CCDC178: variants seen among roughly 807,000 people sequenced by gnomAD.
CCDC178 encodes coiled-coil domain containing 178, also known as coiled-coil domain-containing protein 178.
A neutral mutation model predicts 117.4 loss-of-function variants in CCDC178; 126 were observed. The ratio of observed to expected loss-of-function variants is 1.07; its 90% CI spans 0.93 to 1.24. The LOEUF (loss-of-function observed/expected upper bound fraction) is 1.24, where lower values mean the gene tolerates loss of function less well. CCDC178 is among the 50% of genes most tolerant of loss of function. CCDC178 has a pLI of 0.00. For missense variants in CCDC178, 1,030 were observed against 986.9 expected, an observed-to-expected ratio of 1.04 and a Z score of -0.59; for synonymous variants, 283 against 313.4, an observed-to-expected ratio of 0.90 and a Z score of 1.02.
intron 20 of CCDC178, among the ~76,000 whole-genome samples, chr18:33,130,466 C>A (rs2058056751): frequency 6.6e-6 from 1 of 151,962 alleles, no homozygotes; most frequent in Non-Finnish European, 1.5e-5. Flanking sequence ...ATTGTTGTAA[C>A]TATTTTACAC....
At chr18:33,423,782 T>C (rs1270857934) in intron 2 of CCDC178, among the ~76,000 whole-genome samples, 10 of 152,218 alleles carry the variant, frequency 6.6e-5, no homozygotes, top group African/African-American at 2.2e-4. Context: ...GATCATCTAT[T>C]GCTCAAATCC....
chr18:33,207,435 A>C (rs977167155), intron 20 of CCDC178, among the ~76,000 whole-genome samples: 3 of 151,774 alleles, frequency 2.0e-5, no homozygotes, highest in African/African-American at 7.2e-5. Context: ...CAAGAGAAAA[A>C]TCTACATATT....
intron 6 of CCDC178, 80 bp from the exon 7 acceptor site, chr18:33,356,426 A>T: frequency 1.6e-6 from 2 of 1,279,418 alleles, no homozygotes; most frequent in South Asian, 3.0e-5. Flanking sequence ...AAACTTGTCA[A>T]TTCTCTACTT....
intron 5 of CCDC178, among the ~76,000 whole-genome samples, chr18:33,384,091 A>G (rs1220682878): frequency 6.6e-6 from 1 of 152,070 alleles, no homozygotes; most frequent in African/African-American, 2.4e-5. Context: ...AGCTGAATCG[A>G]TCAAGCAGAA....
intron 20 of CCDC178, among the ~76,000 whole-genome samples, chr18:33,139,267 C>T (rs1288865175): frequency 6.6e-6 from 1 of 152,140 alleles, no homozygotes; most frequent in Non-Finnish European, 1.5e-5. Flanking sequence ...AGCATGAAAA[C>T]TAATACAGTA....
intron 9 of CCDC178, among the ~76,000 whole-genome samples, chr18:33,342,751 C>T (rs1174934638): frequency 6.6e-6 from 1 of 152,204 alleles, no homozygotes; most frequent in Non-Finnish European, 1.5e-5. Flanking sequence ...ACAGAGCCAT[C>T]AGCAAATAAG....
chr18:33,215,453 C>A, intron 19 of CCDC178, 97 bp downstream of exon 19: 1 of 752,588 alleles, frequency 1.3e-6, no homozygotes, highest in African/African-American at 1.9e-5. Flanking sequence ...ATTAAAAATA[C>A]GAACCATTTT....
intron 6 of CCDC178, among the ~76,000 whole-genome samples, chr18:33,365,611 A>G (rs1484346190): frequency 6.6e-6 from 1 of 152,112 alleles, no homozygotes; most frequent in Non-Finnish European, 1.5e-5. Context: ...TATTAGCTTT[A>G]TTATCATAGT....
At chr18:33,110,855 T>C (rs995367017) in intron 20 of CCDC178, among the ~76,000 whole-genome samples, 2 of 151,592 alleles carry the variant, frequency 1.3e-5, no homozygotes, top group Admixed American at 6.6e-5. Context: ...TTTCTCAACT[T>C]TGTCCATCTT....
In CCDC178 at chr18:33,179,107, ATAAAC is replaced by A. The variant is rs1364880995; in HGVS notation, c.2238+32784_2238+32788del. The stretch of plus-strand genomic sequence containing the variant: ...TATATATATATATATATATATATAT[ATAAAC>A]TATATATATATATATAAACTATATA... On this transcript the variant is annotated intron_variant, in intron 20 of 22. Coordinates refer to ENST00000383096, the MANE Select transcript of CCDC178 (RefSeq NM_001105528.4). 1.1e-4 allele frequency among the ~76,000 whole-genome samples: 13 copies of A among 113,806 alleles called. 1 individual carries two copies. Among genetic ancestry groups the A allele is most frequent in the African/African-American group, 4.6e-4 (11 of 23,888 alleles). The allele number at this position is 113,806 out of a possible 152,430, so 74.7% of individuals were successfully genotyped here. A position where few individuals can be genotyped will look rare whatever the true frequency, so the allele number is the denominator to read the frequency against.
intron 21 of CCDC178, among the ~76,000 whole-genome samples, chr18:32,998,220 T>C (rs7238077): frequency 0.15 from 22,297 of 152,042 alleles, 2,340 homozygotes; most frequent in African/African-American, 0.3. Context: ...GCTGCCCTAT[T>C]GCAGAGGAAT....
intron 21 of CCDC178, among the ~76,000 whole-genome samples, chr18:33,013,066 C>T (rs971614465): frequency 2.6e-5 from 4 of 152,120 alleles, no homozygotes; most frequent in African/African-American, 9.7e-5. Flanking sequence ...CCATATATTT[C>T]AATAACACAT....
At chr18:33,002,471 A>G (rs1177921320) in intron 21 of CCDC178, among the ~76,000 whole-genome samples, 1 of 152,072 alleles carries the variant, frequency 6.6e-6, no homozygotes, top group East Asian at 1.9e-4. Context: ...GAAAATTTAA[A>G]ATTTTTTTAA....
intron 20 of CCDC178, among the ~76,000 whole-genome samples, chr18:33,191,001 T>C (rs1360586682): frequency 1.3e-5 from 2 of 152,216 alleles, no homozygotes; most frequent in Non-Finnish European, 2.9e-5. Context: ...TAAGGCATGA[T>C]ATTCAACTAT....
intron 4 of CCDC178, among the ~76,000 whole-genome samples, chr18:33,396,855 G>A (rs2063644404): frequency 6.6e-6 from 1 of 152,036 alleles, no homozygotes; most frequent in Non-Finnish European, 1.5e-5. Context: ...AGGTGACACA[G>A]ATGCTTCCTC....
At chr18:33,439,362 G>A (rs2064343464) in intron 2 of CCDC178, among the ~76,000 whole-genome samples, 1 of 152,320 alleles carries the variant, frequency 6.6e-6, no homozygotes, top group Non-Finnish European at 1.5e-5. Context: ...TCTGGGTTGT[G>A]GATAAAAGCT....
At chr18:33,378,027 G>T (rs979388967) in intron 5 of CCDC178, among the ~76,000 whole-genome samples, 2 of 152,156 alleles carry the variant, frequency 1.3e-5, no homozygotes, top group Non-Finnish European at 2.9e-5. Flanking sequence ...TATGTAGATT[G>T]CTTTGAGCCA....
At chr18:33,329,482 G>C (rs2062634117) in intron 10 of CCDC178, among the ~76,000 whole-genome samples, 2 of 152,130 alleles carry the variant, frequency 1.3e-5, no homozygotes. Context: ...CTAGTTTGTT[G>C]AGGGTTTTTA....
At chr18:33,175,088 G>A (rs192607343) in intron 20 of CCDC178, among the ~76,000 whole-genome samples, 4 of 145,224 alleles carry the variant, frequency 2.8e-5, no homozygotes, top group East Asian at 3.9e-4. Flanking sequence ...CCATGTTGGC[G>A]GCTGGTCTCT....
Sources: gnomAD v4.1 joint callset for allele counts (sites outside exome capture counted in the v4.1 genomes callset) on GRCh38, gnomAD v4.1.1 for gene constraint, MANE v1.5 for transcripts, NCBI Gene and HGNC (gene_info 2026-07-23, HGNC 2026-07-21) for gene names.